The following IL13RA1 variants were observed in gnomAD, a reference collection of about 807,000 sequenced individuals.
IL13RA1 encodes the protein interleukin 13 receptor subunit alpha 1, also known as interleukin-13 receptor subunit alpha-1.
IL13RA1 carries 14 observed loss-of-function variants against 33.8 expected under a neutral mutation model. That is an observed-to-expected ratio of 0.41 (90% CI 0.27 to 0.65). IL13RA1 has a LOEUF of 0.65. Ranked by LOEUF, IL13RA1 falls within the 30% of genes least tolerant of loss-of-function variation. The probability of loss-of-function intolerance (pLI) is 0.28; values close to 1 mark genes in which losing one functional copy is unlikely to be tolerated. For missense variants in IL13RA1, 313 were observed against 327.0 expected (o/e 0.96, Z 0.33); for synonymous variants, 116 against 115.7 (o/e 1.00, Z -0.02).
At chrX:118,803,642 C>T in the IL13RA1 span, among the ~76,000 whole-genome samples, 1 of 111,461 alleles carries the variant, frequency 9.0e-6, no homozygotes, top group Non-Finnish European at 1.9e-5. Context: ...ATAAGGCTCA[C>T]GGTGATTTTT....
intron 5 of IL13RA1, among the ~76,000 whole-genome samples, chrX:118,760,129 A>G (rs2017575553): frequency 1.8e-5 from 2 of 112,177 alleles, no homozygotes; most frequent in African/African-American, 6.5e-5. Context: ...AAGTATATTC[A>G]CATTGTTATG....
chrX:118,777,633 T>G (rs1311008410), intron 10 of IL13RA1, among the ~76,000 whole-genome samples: 1 of 111,547 alleles, frequency 9.0e-6, no homozygotes, highest in Non-Finnish European at 1.9e-5. Flanking sequence ...GTTCATGTTG[T>G]TTCTTGGAAG....
At chrX:118,756,446 A>G (rs1271029428) in intron 4 of IL13RA1, among the ~76,000 whole-genome samples, 1 of 111,713 alleles carries the variant, frequency 9.0e-6, no homozygotes, top group African/African-American at 3.3e-5. Context: ...CTGCTTATGG[A>G]AGACAGTTAA....
rs1051237138 is a variant in IL13RA1, at chrX:118,740,853, T to C, written c.89-164T>C. ...CTCCAAGATTGTTGTGAGGATTAAA[T>C]GGATTAATATGTGTGGAATATTTAG... On this transcript the variant is annotated intron_variant, in intron 1 of 10. Coordinates refer to ENST00000371666, the MANE Select transcript of IL13RA1 (RefSeq NM_001560.3). 4.4e-5 allele frequency among the ~76,000 whole-genome samples: 5 copies of C among 112,428 alleles called. No individual in the cohort carries two copies. In the Admixed American group the frequency reaches 4.7e-4, roughly 11 times the overall value.
chrX:118,783,713 T>C (rs1477587341), intron 10 of IL13RA1, among the ~76,000 whole-genome samples: 1 of 107,890 alleles, frequency 9.3e-6, no homozygotes, highest in Non-Finnish European at 1.9e-5. Context: ...TCAGGGTGCA[T>C]TTTTAATAGT....
At chrX:118,781,190 C>T (rs1211825898) in intron 10 of IL13RA1, among the ~76,000 whole-genome samples, 1 of 62,369 alleles carries the variant, frequency 1.6e-5, no homozygotes, top group Non-Finnish European at 3.1e-5. Flanking sequence ...ATCTGCATTT[C>T]TCTTATCCAT....
intron 10 of IL13RA1, among the ~76,000 whole-genome samples, chrX:118,778,254 T>C: frequency 9.0e-6 from 1 of 111,710 alleles, no homozygotes; most frequent in Admixed American, 9.6e-5. Flanking sequence ...GTAGTGATGA[T>C]ATTTGGTTAG....
At chrX:118,781,725 T>C (rs1228930741) in intron 10 of IL13RA1, among the ~76,000 whole-genome samples, 2 of 112,631 alleles carry the variant, frequency 1.8e-5, no homozygotes, top group Non-Finnish European at 3.7e-5. Context: ...TTAAAAATTA[T>C]TAATTCCTTA....
At chrX:118,784,338 A>C (rs2017893367) in intron 10 of IL13RA1, among the ~76,000 whole-genome samples, 2 of 107,908 alleles carry the variant, frequency 1.9e-5, no homozygotes, top group African/African-American at 6.8e-5. Flanking sequence ...TAAATGGAGT[A>C]ATAGCAACCA....
At chrX:118,766,722 T>A in intron 7 of IL13RA1, 122 bp from the exon 8 acceptor site, 1 of 594,804 alleles carries the variant, frequency 1.7e-6, no homozygotes, top group East Asian at 3.4e-5. Flanking sequence ...CAAAGATAAT[T>A]TGAATTGCAA....
the IL13RA1 span, among the ~76,000 whole-genome samples, chrX:118,804,394 T>TACACACACACACAC: frequency 6.4e-4 from 57 of 89,710 alleles, no homozygotes; most frequent in African/African-American, 2.2e-3. Context: ...CAGCCATGCA[T>TACACACACACACAC]ACACACACAC....
chrX:118,747,316 A>G (rs1298349785), intron 3 of IL13RA1, among the ~76,000 whole-genome samples: 3 of 110,920 alleles, frequency 2.7e-5, no homozygotes. Context: ...AGTTATATAA[A>G]ATTTAATAAT....
At chrX:118,744,106 A>G (rs1041524264) in intron 2 of IL13RA1, among the ~76,000 whole-genome samples, 2 of 110,427 alleles carry the variant, frequency 1.8e-5, no homozygotes, top group African/African-American at 3.3e-5. Flanking sequence ...AGATCATGCC[A>G]CTGCACTCCA....
intron 10 of IL13RA1, among the ~76,000 whole-genome samples, chrX:118,776,736 A>G (rs1446212283): frequency 9.2e-6 from 1 of 109,162 alleles, no homozygotes; most frequent in Non-Finnish European, 1.9e-5. Context: ...GTTTGAGACC[A>G]GCCTGGACAG....
intron 2 of IL13RA1, among the ~76,000 whole-genome samples, chrX:118,742,393 T>C: frequency 8.9e-6 from 1 of 112,158 alleles, no homozygotes; most frequent in East Asian, 2.8e-4. Context: ...GTGGTGATTT[T>C]TGGTAATTGA....
intron 6 of IL13RA1, among the ~76,000 whole-genome samples, chrX:118,763,552 G>A (rs1358541097): frequency 8.9e-6 from 1 of 112,375 alleles, no homozygotes; most frequent in Admixed American, 9.4e-5. Flanking sequence ...TTCATTAAGT[G>A]TTTATGGCAT....
Position 118,749,657 on chromosome X carries a change from G to A in IL13RA1, c.368-1G>A. 2 of 1,208,194 alleles carry A rather than the reference G, an allele frequency of 1.7e-6. No homozygotes were observed. Among genetic ancestry groups the A allele is most frequent in the Non-Finnish European group, 2.2e-6 (2 of 892,277 alleles). ...TTAAACTCTTGGCCTGGATATTCTA[G>A]GTGATCCTGAGTCTGCTGTGACTGA... On this transcript the variant is annotated splice_acceptor_variant, in intron 3 of 10. Transcript: ENST00000371666. LOFTEE classifies it high-confidence loss of function.
intron 4 of IL13RA1, among the ~76,000 whole-genome samples, chrX:118,752,413 C>G: frequency 8.9e-6 from 1 of 112,350 alleles, no homozygotes; most frequent in South Asian, 3.6e-4. Flanking sequence ...TGGAAACATT[C>G]TGCATCCTCT....
intron 5 of IL13RA1, among the ~76,000 whole-genome samples, chrX:118,760,496 A>T (rs1347357666): frequency 2.7e-5 from 3 of 111,682 alleles, no homozygotes; most frequent in African/African-American, 9.8e-5. Context: ...GCCTTTCTTT[A>T]TTCTCTATGT....
Sources: allele counts gnomAD v4.1 joint callset (sites outside exome capture counted in the v4.1 genomes callset), GRCh38; gene constraint gnomAD v4.1.1; transcripts MANE v1.5; gene names NCBI Gene and HGNC (gene_info 2026-07-23, HGNC 2026-07-21).